The following ZNF385C variants were observed in gnomAD, a reference collection of about 807,000 sequenced individuals.
The protein encoded by ZNF385C is zinc finger protein 385C, also known as CTD-2132N18.2.
ZNF385C carries 28 observed loss-of-function variants against 35.4 expected under a neutral mutation model. That is an observed-to-expected ratio of 0.79 (90% CI 0.59 to 1.08). The LOEUF (loss-of-function observed/expected upper bound fraction) is 1.08. Ranked by LOEUF, ZNF385C falls within the 50% of genes least tolerant of loss-of-function variation. The pLI is 0.00. For synonymous variants in ZNF385C, 248 were observed against 248.2 expected (o/e 1.00, Z 0.01); for missense variants, 605 against 595.6 (o/e 1.02, Z -0.16).
intron 3 of ZNF385C, among the ~76,000 whole-genome samples, chr17:42,035,896 G>C (rs1334603575): frequency 2.0e-5 from 3 of 152,132 alleles, no homozygotes; most frequent in African/African-American, 7.2e-5. Context: ...AGCCAGGGGA[G>C]GTGGGGGGCC....
chr17:42,044,168 C>G (rs1346308661), intron 2 of ZNF385C, among the ~76,000 whole-genome samples: 1 of 123,140 alleles, frequency 8.1e-6, no homozygotes, highest in African/African-American at 2.8e-5. Flanking sequence ...AAAAAATTAG[C>G]CAGGCATGGT....
In ZNF385C at chr17:42,050,156, G is replaced by A. The variant is rs2053250820; in HGVS notation, c.251-12271C>T. 6.8e-6 allele frequency among the ~76,000 whole-genome samples: 1 copy of A among 146,342 alleles called. No homozygotes were observed. The highest frequency in any genetic ancestry group is 2.4e-5 in the African/African-American group (1 of 41,330). ...CTCATTTCTCTCCACACCCTGACCA[G>A]CCGGATGGGAGCAGGAACAACTTGA... On this transcript the variant is annotated intron_variant, in intron 2 of 8. Transcript: ENST00000692273. The surrounding 1 kb of genome is among the most constrained non-coding windows in gnomAD (Gnocchi z 5.6).
At chr17:42,030,758 G>A (rs1555654916) in intron 5 of ZNF385C, among the ~76,000 whole-genome samples, 1 of 152,232 alleles carries the variant, frequency 6.6e-6, no homozygotes, top group South Asian at 2.1e-4. Flanking sequence ...GTTCGGGTGG[G>A]ATTGATCTAG....
intron 1 of ZNF385C, among the ~76,000 whole-genome samples, chr17:42,069,934 C>A (rs11653694): frequency 1.3e-5 from 2 of 151,994 alleles, no homozygotes; most frequent in Non-Finnish European, 2.9e-5. Context: ...CCCAACTACT[C>A]GGGAGGCTGA....
chr17:42,030,022 TG>T (rs2052691732), intron 5 of ZNF385C, among the ~76,000 whole-genome samples: 1 of 150,938 alleles, frequency 6.6e-6, no homozygotes, highest in Non-Finnish European at 1.5e-5. Flanking sequence ...AGCCAGACCC[TG>T]TCTCAAAAAA....
intron 2 of ZNF385C, among the ~76,000 whole-genome samples, chr17:42,044,918 CTTTT>C (rs71157603): frequency 1.5e-5 from 2 of 132,598 alleles, no homozygotes; most frequent in South Asian, 2.4e-4. Flanking sequence ...CCAACTCTAC[CTTTT>C]TTTTTTTTTT....
chr17:42,067,795 G>A (rs192121302), intron 1 of ZNF385C, among the ~76,000 whole-genome samples: 1 of 152,144 alleles, frequency 6.6e-6, no homozygotes, highest in Non-Finnish European at 1.5e-5. Flanking sequence ...AAGTGTTGGT[G>A]GGGGGAGAGG....
intron 1 of ZNF385C, among the ~76,000 whole-genome samples, chr17:42,079,241 T>C (rs1185228760): frequency 2.2e-5 from 3 of 136,046 alleles, no homozygotes; most frequent in African/African-American, 8.1e-5. Context: ...TATACACACA[T>C]ATATGAACAA....
chr17:42,078,996 CTAA>C (rs2053714870), intron 1 of ZNF385C, among the ~76,000 whole-genome samples: 1 of 151,806 alleles, frequency 6.6e-6, no homozygotes, highest in Admixed American at 6.6e-5. Context: ...ACAACAATGC[CTAA>C]TAATAACTCC....
At chr17:42,085,079 C>T (rs1307973453) in intron 1 of ZNF385C, among the ~76,000 whole-genome samples, 1 of 152,082 alleles carries the variant, frequency 6.6e-6, no homozygotes, top group Non-Finnish European at 1.5e-5. Context: ...GGCAGATCAC[C>T]TGAGGCCAGG....
chr17:42,087,912 A>G (rs1194362007), intron 1 of ZNF385C, among the ~76,000 whole-genome samples: 1 of 152,202 alleles, frequency 6.6e-6, no homozygotes, highest in Non-Finnish European at 1.5e-5. Context: ...CCCACTACCT[A>G]TATATAAACT....
chr17:42,093,106 T>C (rs782727591), intron 1 of ZNF385C, among the ~76,000 whole-genome samples: 2 of 152,078 alleles, frequency 1.3e-5, no homozygotes, highest in Middle Eastern at 3.2e-3. Context: ...GTGGGAGCGA[T>C]GGGGAGGCCA....
intron 2 of ZNF385C, among the ~76,000 whole-genome samples, chr17:42,045,195 G>C (rs1043339098): frequency 1.3e-5 from 2 of 152,148 alleles, no homozygotes; most frequent in Admixed American, 6.5e-5. Flanking sequence ...GGGATTACAG[G>C]CGTGAGCCAC....
intron 1 of ZNF385C, among the ~76,000 whole-genome samples, chr17:42,091,909 G>A (rs75446716): frequency 1.3e-5 from 2 of 152,142 alleles, no homozygotes; most frequent in African/African-American, 2.4e-5. Context: ...GGAGCTTTGG[G>A]TGAGGGGGAG....
At chr17:42,086,434 G>T (rs1348500402) in intron 1 of ZNF385C, among the ~76,000 whole-genome samples, 1 of 151,548 alleles carries the variant, frequency 6.6e-6, no homozygotes, top group Non-Finnish European at 1.5e-5. Context: ...AGGCGCAGTG[G>T]CTCACGCCTG....
intron 2 of ZNF385C, among the ~76,000 whole-genome samples, chr17:42,060,995 G>A (rs1260595328): frequency 6.6e-6 from 1 of 152,034 alleles, no homozygotes; most frequent in African/African-American, 2.4e-5. Flanking sequence ...GATTACAGGC[G>A]TGAGCCTGGC....
At chr17:42,083,084 C>A (rs1420319226) in intron 1 of ZNF385C, among the ~76,000 whole-genome samples, 1 of 152,020 alleles carries the variant, frequency 6.6e-6, no homozygotes, top group African/African-American at 2.4e-5. Flanking sequence ...CTCAAAAAAA[C>A]CAAAACAACA....
chr17:42,082,579 G>A (rs539037637), intron 1 of ZNF385C, among the ~76,000 whole-genome samples: 1 of 152,340 alleles, frequency 6.6e-6, no homozygotes, highest in East Asian at 1.9e-4. Flanking sequence ...ATGGCAGACA[G>A]TGTACAATTA....
chr17:42,028,857 T>G lies in ZNF385C; in HGVS notation c.893A>C (p.Glu298Ala). Residue 298 changes from glutamate to alanine, a missense_variant, in exon 6 of 9, where the codon GAG becomes GCG. By Grantham distance (107) the Glu-to-Ala change is moderately radical. Transcript: ENST00000692273. ...CGTGGGGCAGTAGAGGTGCCCCTTC[T>G]CACTCCTGCCTTCCCCACTCATGCT... ...GSSMSGEGRS[E>A]KGHLYCPTCK... 6.4e-7 allele frequency: 1 copy of G among 1,550,600 alleles called. No homozygotes were observed.
Sources: gnomAD v4.1 joint callset for allele counts (sites outside exome capture counted in the v4.1 genomes callset) on GRCh38, gnomAD v4.1.1 for gene constraint, Gnocchi (gnomAD v3.1) non-coding constraint, MANE v1.5 for transcripts, NCBI Gene and HGNC (gene_info 2026-07-23, HGNC 2026-07-21) for gene names.